The following DOK6 variants were observed in gnomAD, a reference collection of about 807,000 sequenced individuals.
The protein encoded by DOK6 is downstream of tyrosine kinase 6.
Under a neutral mutation model 44.0 loss-of-function variants are expected in DOK6, and 22 were observed. The ratio of observed to expected loss-of-function variants is 0.50; its 90% CI spans 0.36 to 0.71. DOK6 has a LOEUF of 0.71. Ranked by LOEUF, DOK6 falls within the 30% of genes least tolerant of loss-of-function variation. The pLI is 0.00. For synonymous variants in DOK6, 166 were observed against 145.5 expected (o/e 1.14, Z -1.01); for missense variants, 340 against 416.4 (o/e 0.82, Z 1.60).
At position 69,613,248 on chromosome 18, in the gene DOK6, CGT is replaced by C. The variant is rs1984206661; in HGVS notation, c.289+13751_289+13752del. Among the ~76,000 whole-genome samples, 4 of 152,118 alleles carry C rather than the reference CGT, an allele frequency of 2.6e-5. No individual in the cohort carries two copies. The South Asian group carries it at 8.3e-4, about 32-fold the overall frequency. On this transcript the variant is annotated intron_variant, in intron 3 of 7. Transcript: ENST00000382713. ...GTGAGAGTGAACAACCAGCGTGCTG[CGT>C]ATGTGTGTGTGTGCATGTGTGTGTA... is the stretch of plus-strand genomic sequence containing the variant.
At chr18:69,548,492 T>A (rs1982471087) in intron 1 of DOK6, among the ~76,000 whole-genome samples, 1 of 151,622 alleles carries the variant, frequency 6.6e-6, no homozygotes, top group Non-Finnish European at 1.5e-5. Flanking sequence ...ATATCCTGAC[T>A]TACAATTTTG....
At chr18:69,544,901 C>T (rs141597167) in intron 1 of DOK6, among the ~76,000 whole-genome samples, 6 of 151,376 alleles carry the variant, frequency 4.0e-5, no homozygotes, top group Admixed American at 1.3e-4. Context: ...GAGGCTGAGG[C>T]GGGCGGATCA....
At chr18:69,516,121 G>T (rs1981514511) in intron 1 of DOK6, among the ~76,000 whole-genome samples, 1 of 152,164 alleles carries the variant, frequency 6.6e-6, no homozygotes, top group Non-Finnish European at 1.5e-5. Context: ...TGGTCACCCT[G>T]GAGTGTCTGG....
intron 1 of DOK6, among the ~76,000 whole-genome samples, chr18:69,509,617 A>T (rs555508631): frequency 1.0e-4 from 15 of 146,806 alleles, no homozygotes; most frequent in African/African-American, 3.8e-4. Context: ...CAGCCTGGGC[A>T]ACAGAGCTAG....
At chr18:69,567,498 C>A (rs17081244) in intron 2 of DOK6, among the ~76,000 whole-genome samples, 3,321 of 151,558 alleles carry the variant, frequency 0.022, 108 homozygotes, top group African/African-American at 0.074. Flanking sequence ...GAGGCAGGAA[C>A]AATTCGGTGT....
chr18:69,656,317 G>A (rs1202949069), intron 3 of DOK6, among the ~76,000 whole-genome samples: 1 of 152,196 alleles, frequency 6.6e-6, no homozygotes, highest in Non-Finnish European at 1.5e-5. Context: ...TTTACAGAAA[G>A]GAGTACCAAA....
intron 5 of DOK6, among the ~76,000 whole-genome samples, chr18:69,699,318 G>A (rs1341065976): frequency 1.3e-5 from 2 of 152,080 alleles, no homozygotes; most frequent in Non-Finnish European, 2.9e-5. Context: ...GGCCTTATAA[G>A]GCAATTATAG....
chr18:69,830,389 G>A (rs2145132027), intron 7 of DOK6, among the ~76,000 whole-genome samples: 1 of 152,252 alleles, frequency 6.6e-6, no homozygotes, highest in South Asian at 2.1e-4. Flanking sequence ...CATATGGGTA[G>A]AACCTCATCT....
chr18:69,589,853 G>A (rs772759269), intron 2 of DOK6, among the ~76,000 whole-genome samples: 19 of 152,134 alleles, frequency 1.2e-4, no homozygotes, highest in Admixed American at 3.3e-4. Flanking sequence ...AGAAAATATC[G>A]CTATGTCCTT....
At chr18:69,838,795 C>CCCCTTCCCTAAT (rs1353606097) in intron 7 of DOK6, among the ~76,000 whole-genome samples, 15 of 150,158 alleles carry the variant, frequency 1.0e-4, no homozygotes, top group Non-Finnish European at 1.6e-4. Flanking sequence ...CCAGCTCCTC[C>CCCCTTCCCTAAT]CCCTTCCCTA....
chr18:69,790,259 C>T (rs1980552502), intron 7 of DOK6, among the ~76,000 whole-genome samples: 1 of 138,718 alleles, frequency 7.2e-6, no homozygotes, highest in African/African-American at 2.7e-5. Flanking sequence ...CACACTGGGG[C>T]CTGTCGGGGG....
At chr18:69,685,927 T>C (rs1986143196) in intron 4 of DOK6, among the ~76,000 whole-genome samples, 1 of 152,168 alleles carries the variant, frequency 6.6e-6, no homozygotes, top group Non-Finnish European at 1.5e-5. Context: ...CTTTTCTGTA[T>C]TTTGTGGGCT....
chr18:69,708,783 C>CAAAAA (rs376287840), intron 5 of DOK6, among the ~76,000 whole-genome samples: 2 of 79,302 alleles, frequency 2.5e-5, no homozygotes, highest in Non-Finnish European at 2.4e-5. Context: ...AAATCCGTCT[C>CAAAAA]AAAAAAAAAA....
chr18:69,727,287 G>A (rs906231200), intron 5 of DOK6, among the ~76,000 whole-genome samples: 11 of 152,130 alleles, frequency 7.2e-5, no homozygotes, highest in East Asian at 1.9e-4. Context: ...TGAGTTTGGG[G>A]GAACACAAAC....
chr18:69,837,101 G>C (rs574978332), intron 7 of DOK6, among the ~76,000 whole-genome samples: 10 of 152,174 alleles, frequency 6.6e-5, no homozygotes, highest in Non-Finnish European at 1.2e-4. Context: ...CTGACCTTGA[G>C]GGGGAGAATA....
chr18:69,450,476 A>G (rs1416059820), intron 1 of DOK6, among the ~76,000 whole-genome samples: 1 of 108,536 alleles, frequency 9.2e-6, no homozygotes, highest in African/African-American at 3.7e-5. Context: ...ACCAAGTTGG[A>G]AAACACTCTG....
chr18:69,756,125 C>G (rs1332716440), intron 6 of DOK6, among the ~76,000 whole-genome samples: 1 of 152,200 alleles, frequency 6.6e-6, no homozygotes, highest in East Asian at 1.9e-4. Context: ...CTTGTTTAGA[C>G]AAGTCCCATA....
At chr18:69,411,071 C>G (rs1235094620) in intron 1 of DOK6, among the ~76,000 whole-genome samples, 2 of 152,048 alleles carry the variant, frequency 1.3e-5, no homozygotes, top group Non-Finnish European at 2.9e-5. Context: ...CAATATATAG[C>G]ACATACCTCT....
At chr18:69,559,643 A>T (rs1014821745) in intron 1 of DOK6, among the ~76,000 whole-genome samples, 11 of 152,146 alleles carry the variant, frequency 7.2e-5, no homozygotes, top group African/African-American at 2.4e-4. Context: ...AAAAAAATAT[A>T]TCTAAAAGTA....
Sources: gnomAD v4.1 joint callset for allele counts (sites outside exome capture counted in the v4.1 genomes callset) on GRCh38, gnomAD v4.1.1 for gene constraint, MANE v1.5 for transcripts, NCBI Gene and HGNC (gene_info 2026-07-23, HGNC 2026-07-21) for gene names.